The following THSD4 variants were observed in gnomAD, a reference collection of about 807,000 sequenced individuals.
The protein encoded by THSD4 is thrombospondin type-1 domain-containing protein 4.
In THSD4, 69 loss-of-function variants were observed where a neutral mutation model predicts 119.0. The ratio of observed to expected loss-of-function variants is 0.58; its 90% CI spans 0.48 to 0.71. The LOEUF (loss-of-function observed/expected upper bound fraction) is 0.71, where lower values mean the gene tolerates loss of function less well. THSD4 is among the 30% of genes least tolerant of loss of function. THSD4 has a pLI of 0.00. For missense variants in THSD4, 1,393 were observed against 1,391.1 expected (o/e 1.00, Z -0.02); for synonymous variants, 524 against 540.4 (o/e 0.97, Z 0.42).
chr15:71,376,665 G>T (rs1281168906), intron 6 of THSD4, among the ~76,000 whole-genome samples: 1 of 152,166 alleles, frequency 6.6e-6, no homozygotes, highest in African/African-American at 2.4e-5. Flanking sequence ...CCTAGTCTCT[G>T]CTGTCTCCTC....
chr15:71,751,508 C>A (rs1006225991), intron 14 of THSD4, among the ~76,000 whole-genome samples: 1 of 151,928 alleles, frequency 6.6e-6, no homozygotes, highest in African/African-American at 2.4e-5. Flanking sequence ...ATCTTTATAT[C>A]ATAATGTATG....
At chr15:71,639,601 T>G (rs956697943) in intron 7 of THSD4, among the ~76,000 whole-genome samples, 1 of 152,240 alleles carries the variant, frequency 6.6e-6, no homozygotes, top group Non-Finnish European at 1.5e-5. Context: ...TTGCATCTTC[T>G]TTGCTCAAGG....
intron 3 of THSD4, among the ~76,000 whole-genome samples, chr15:71,158,148 C>CTTTTTTTTTTT (rs1193131967): frequency 3.5e-5 from 3 of 85,004 alleles, no homozygotes; most frequent in Non-Finnish European, 6.7e-5. Flanking sequence ...CAACACTTAT[C>CTTTTTTTTTTT]TTTTTTTTTT....
intron 6 of THSD4, among the ~76,000 whole-genome samples, chr15:71,380,588 C>G (rs2046215979): frequency 6.6e-6 from 1 of 152,038 alleles, no homozygotes; most frequent in East Asian, 1.9e-4. Flanking sequence ...CAATCTAAAT[C>G]AAACAAACCA....
At chr15:71,521,709 T>C (rs541939766) in intron 7 of THSD4, among the ~76,000 whole-genome samples, 1 of 141,330 alleles carries the variant, frequency 7.1e-6, no homozygotes, top group Admixed American at 6.7e-5. Context: ...CAGTTTGGGG[T>C]TTTTTTTGAC....
intron 3 of THSD4, among the ~76,000 whole-genome samples, chr15:71,199,716 T>TGTG (rs2043768847): frequency 7.4e-6 from 1 of 135,552 alleles, no homozygotes; most frequent in Admixed American, 7.3e-5. Flanking sequence ...GGGTGTGTGG[T>TGTG]GTGTGTGTGT....
chr15:71,755,706 C>CAAAAAAAA (rs10555546), intron 14 of THSD4, among the ~76,000 whole-genome samples: 56 of 50,286 alleles, frequency 1.1e-3, no homozygotes, highest in Non-Finnish European at 1.2e-3. Context: ...TCAGCAAAGA[C>CAAAAAAAA]AAAAAAAAAA....
At chr15:71,281,631 T>C (rs572540889) in intron 6 of THSD4, among the ~76,000 whole-genome samples, 2 of 152,368 alleles carry the variant, frequency 1.3e-5, no homozygotes, top group South Asian at 2.1e-4. Flanking sequence ...TTAGTAAATA[T>C]AGTACTTGAT....
At chr15:71,238,148 A>G (rs183948970) in intron 4 of THSD4, among the ~76,000 whole-genome samples, 75 of 152,296 alleles carry the variant, frequency 4.9e-4, no homozygotes, top group Admixed American at 3.4e-3. Context: ...ATGATGCTCA[A>G]TAGGCACTCA....
At chr15:71,200,821 C>T (rs1399948509) in intron 3 of THSD4, among the ~76,000 whole-genome samples, 1 of 152,116 alleles carries the variant, frequency 6.6e-6, no homozygotes, top group Non-Finnish European at 1.5e-5. Flanking sequence ...ACTCCATCCA[C>T]AATCACCAAG....
At chr15:71,413,780 C>G (rs957667810) in intron 7 of THSD4, among the ~76,000 whole-genome samples, 2 of 152,200 alleles carry the variant, frequency 1.3e-5, no homozygotes, top group Admixed American at 1.3e-4. Flanking sequence ...AACATCATAG[C>G]CTCCAGTTTT....
intron 1 of THSD4, among the ~76,000 whole-genome samples, chr15:71,106,691 C>A (rs1057053926): frequency 6.6e-6 from 1 of 152,044 alleles, no homozygotes; most frequent in Non-Finnish European, 1.5e-5. Flanking sequence ...GGTTTTGCTG[C>A]AGTAACAAAC....
intron 9 of THSD4, chr15:71,729,773 G>T (rs1486983840): frequency 6.6e-6 from 1 of 152,064 alleles, no homozygotes; most frequent in Non-Finnish European, 1.5e-5. Context: ...TTTTGCACTG[G>T]CAGAATGCTC....
At chr15:71,631,411 G>A (rs560670717) in intron 7 of THSD4, among the ~76,000 whole-genome samples, 3 of 152,288 alleles carry the variant, frequency 2.0e-5, no homozygotes, top group Admixed American at 1.3e-4. Flanking sequence ...AGGAAAGGCC[G>A]AGAATGACAA....
Position 71,660,505 on chromosome 15 carries a change from TC to T in THSD4, c.1153-24del, listed in dbSNP as rs2051280190. The T allele has an allele frequency of 5.6e-6, 9 of 1,613,500 alleles. 1 individual carries two copies. In the South Asian group the frequency reaches 9.9e-5, roughly 18 times the overall value. The stretch of plus-strand genomic sequence containing the variant: ...GCATGCTCCTGATACATACTATGAG[TC>T]TTTTGTTTTCTGTCTTTTTGCAGAG... On this transcript the variant is annotated intron_variant, in intron 7 of 17. Coordinates refer to ENST00000261862, the MANE Select transcript of THSD4 (RefSeq NM_024817.3).
At chr15:71,269,209 T>C (rs537983847) in intron 6 of THSD4, among the ~76,000 whole-genome samples, 2 of 152,190 alleles carry the variant, frequency 1.3e-5, no homozygotes, top group Non-Finnish European at 2.9e-5. Context: ...AATAAAATAC[T>C]GGCAAACTGA....
chr15:71,365,050 G>C (rs534354573), intron 6 of THSD4, among the ~76,000 whole-genome samples: 4 of 151,870 alleles, frequency 2.6e-5, no homozygotes, highest in African/African-American at 7.2e-5. Context: ...CTTTTCCAGA[G>C]ATGATACAAA....
At chr15:71,310,900 C>T (rs57681743) in intron 6 of THSD4, among the ~76,000 whole-genome samples, 351 of 152,200 alleles carry the variant, frequency 2.3e-3, no homozygotes, top group African/African-American at 7.9e-3. Context: ...CTGAGGCCTT[C>T]GTTTTGGGGT....
intron 7 of THSD4, among the ~76,000 whole-genome samples, chr15:71,521,948 C>T (rs551405013): frequency 6.6e-6 from 1 of 152,304 alleles, no homozygotes; most frequent in African/African-American, 2.4e-5. Context: ...ATACAGCCAC[C>T]TGTGTGGTGA....
Sources: allele counts gnomAD v4.1 joint callset (sites outside exome capture counted in the v4.1 genomes callset), GRCh38; gene constraint gnomAD v4.1.1; transcripts MANE v1.5; gene names NCBI Gene and HGNC (gene_info 2026-07-23, HGNC 2026-07-21).